LSM12: variants seen among roughly 807,000 people sequenced by gnomAD.
LSM12 encodes the protein LSM12 homolog.
For synonymous variants in LSM12, 74 were observed against 87.3 expected, an observed-to-expected ratio of 0.85 and a Z score of 0.85; for missense variants, 108 against 238.9, an observed-to-expected ratio of 0.45 and a Z score of 3.61.
chr17:44,056,407 C>G (rs1334933469), intron 2 of LSM12, among the ~76,000 whole-genome samples: 1 of 151,922 alleles, frequency 6.6e-6, no homozygotes, highest in Non-Finnish European at 1.5e-5. Context: ...AGTTTGAGAC[C>G]AGCGTTGGCA....
intron 2 of LSM12, 132 bp downstream of exon 2, chr17:44,063,669 A>G (rs1045346923): frequency 1.5e-5 from 16 of 1,084,974 alleles, no homozygotes; most frequent in Non-Finnish European, 1.9e-5. Context: ...ACATTTTTTA[A>G]AAAGATATCA....
At chr17:44,041,273 TAAAAAAA>T (rs11302122) in intron 2 of LSM12, among the ~76,000 whole-genome samples, 21,041 of 109,132 alleles carry the variant, frequency 0.19, 1,996 homozygotes, top group African/African-American at 0.21. Flanking sequence ...TCTGTCTCTT[TAAAAAAA>T]AAAAAAACAA....
chr17:44,054,583 G>A (rs541698402), intron 2 of LSM12, among the ~76,000 whole-genome samples: 2 of 152,096 alleles, frequency 1.3e-5, no homozygotes, highest in African/African-American at 4.8e-5. Flanking sequence ...TGGGACTACA[G>A]GTGTGAGTCA....
At chr17:44,038,810 G>A (rs1039068101) in intron 3 of LSM12, among the ~76,000 whole-genome samples, 2 of 152,180 alleles carry the variant, frequency 1.3e-5, no homozygotes, top group African/African-American at 4.8e-5. Flanking sequence ...GTTCACACTT[G>A]GGAAGCCCCA....
chr17:44,056,461 G>GT (rs940224713), intron 2 of LSM12, among the ~76,000 whole-genome samples: 47 of 150,894 alleles, frequency 3.1e-4, no homozygotes, highest in South Asian at 2.1e-3. Context: ...ACAAAAAATT[G>GT]TTTTTTTTTA....
chr17:44,043,682 G>T (rs866964628), intron 2 of LSM12, among the ~76,000 whole-genome samples: 9 of 150,978 alleles, frequency 6.0e-5, no homozygotes, highest in Non-Finnish European at 1.0e-4. Flanking sequence ...AAGAAAATCT[G>T]AAGTCGGCCA....
chr17:44,054,358 C>A (rs980684254), intron 2 of LSM12, among the ~76,000 whole-genome samples: 2 of 152,200 alleles, frequency 1.3e-5, no homozygotes, highest in Non-Finnish European at 2.9e-5. Flanking sequence ...GTCACCCAGG[C>A]TGGAGTACAG....
intron 4 of LSM12, 40 bp from the exon 5 acceptor site, chr17:44,036,340 C>A (rs763225507): frequency 6.2e-7 from 1 of 1,612,150 alleles, no homozygotes; most frequent in Non-Finnish European, 8.5e-7. Context: ...AAAGGAGATG[C>A]GGAAGAAAGG....
At chr17:44,040,705 T>G (rs1401655444) in intron 2 of LSM12, among the ~76,000 whole-genome samples, 1 of 150,904 alleles carries the variant, frequency 6.6e-6, no homozygotes, top group Non-Finnish European at 1.5e-5. Context: ...CCAGGGGAGG[T>G]GGCTCATGCC....
chr17:44,050,138 T>C (rs1213979974), intron 2 of LSM12, among the ~76,000 whole-genome samples: 2 of 152,192 alleles, frequency 1.3e-5, no homozygotes, highest in Non-Finnish European at 2.9e-5. Context: ...TCTCTCTTGT[T>C]GCCCAGGCTG....
intron 1 of LSM12, 82 bp downstream of exon 1, chr17:44,066,382 C>T: frequency 2.7e-6 from 4 of 1,481,984 alleles, no homozygotes; most frequent in Non-Finnish European, 3.6e-6. Flanking sequence ...GAGAGAGCCC[C>T]AGCCGCCGCC....
At chr17:44,038,248 G>A (rs1046641542) in intron 3 of LSM12, among the ~76,000 whole-genome samples, 6 of 151,784 alleles carry the variant, frequency 4.0e-5, no homozygotes, top group South Asian at 2.1e-4. Context: ...CAGTTACTCC[G>A]GGGGCTGAGG....
At chr17:44,041,320 C>T (rs1279282958) in intron 2 of LSM12, among the ~76,000 whole-genome samples, 1 of 146,040 alleles carries the variant, frequency 6.8e-6, no homozygotes, top group Non-Finnish European at 1.5e-5. Context: ...CACACACACA[C>T]ACACACACAC....
At chr17:44,059,182 A>T (rs566756160) in intron 2 of LSM12, among the ~76,000 whole-genome samples, 19 of 151,946 alleles carry the variant, frequency 1.3e-4, no homozygotes, top group African/African-American at 4.3e-4. Context: ...AAAACAGAAC[A>T]CACACACACA....
At chr17:44,045,500 A>G (rs569428094) in intron 2 of LSM12, among the ~76,000 whole-genome samples, 22 of 152,342 alleles carry the variant, frequency 1.4e-4, no homozygotes, top group African/African-American at 5.3e-4. Context: ...CTATGAGGAT[A>G]CAGTTCTACC....
intron 2 of LSM12, among the ~76,000 whole-genome samples, chr17:44,060,794 G>A (rs906870248): frequency 1.1e-4 from 17 of 152,232 alleles, no homozygotes; most frequent in African/African-American, 3.6e-4. Context: ...ATCTACCTGA[G>A]GTCAAACATA....
rs1218976690 is a variant in LSM12, at chr17:44,055,071, C to CA, written c.258+8729dup. The stretch of plus-strand genomic sequence containing the variant: ...TTCACCATATTGGCCAGACTGGTCT[C>CA]AAACTCCTGACTTTGTGATCTGCCC... On this transcript the variant is annotated intron_variant, in intron 2 of 4. Transcript: ENST00000293406. Among the ~76,000 whole-genome samples, 9 of 151,760 alleles carry CA rather than the reference C, an allele frequency of 5.9e-5. No homozygotes were observed. In the South Asian group the frequency reaches 6.3e-4, roughly 11 times the overall value.
chr17:44,052,590 C>A (rs1486945694), intron 2 of LSM12, among the ~76,000 whole-genome samples: 3 of 151,920 alleles, frequency 2.0e-5, no homozygotes, highest in Admixed American at 2.0e-4. Context: ...GAAACCCCAT[C>A]TCTACTAAAA....
At chr17:44,037,361 G>A in intron 4 of LSM12, 51 bp downstream of exon 4, 1 of 1,524,982 alleles carries the variant, frequency 6.6e-7, no homozygotes. Flanking sequence ...AAGACTGAAG[G>A]CCTGAGGAAC....
Sources: gnomAD v4.1 joint callset for allele counts (sites outside exome capture counted in the v4.1 genomes callset) on GRCh38, gnomAD v4.1.1 for gene constraint, MANE v1.5 for transcripts, NCBI Gene and HGNC (gene_info 2026-07-23, HGNC 2026-07-21) for gene names.